The following CHD7 variants were observed in gnomAD, a reference collection of about 807,000 sequenced individuals.
CHD7 encodes the protein ATP-dependent chromatin remodeler CHD7.
In CHD7, 24 loss-of-function variants were observed where a neutral mutation model predicts 307.3. That is an observed-to-expected ratio of 0.08 (90% CI 0.06 to 0.11). The LOEUF is 0.11. Among genes scored for constraint, CHD7 ranks in the 10% least tolerant of loss-of-function variants. CHD7 has a pLI of 1.00. For synonymous variants in CHD7, 1,363 were observed against 1,349.9 expected (o/e 1.01, Z -0.21); for missense variants, 3,106 against 3,727.1 (o/e 0.83, Z 4.34).
chr8:60,819,408 A>G (rs1803914839), intron 8 of CHD7, among the ~76,000 whole-genome samples: 1 of 152,220 alleles, frequency 6.6e-6, no homozygotes, highest in African/African-American at 2.4e-5. Flanking sequence ...TTGCCTAAAC[A>G]CACTATATTC....
At chr8:60,850,374 CAG>C in intron 25 of CHD7, 117 bp from the exon 26 acceptor site, 1 of 1,259,558 alleles carries the variant, frequency 7.9e-7, no homozygotes, top group Non-Finnish European at 1.1e-6. Flanking sequence ...TTGGATTCAA[CAG>C]AGATGCTAAC....
chr8:60,812,685 C>A (rs540803880), intron 7 of CHD7, among the ~76,000 whole-genome samples: 153 of 150,000 alleles, frequency 1.0e-3, no homozygotes, highest in Non-Finnish European at 1.7e-3. Flanking sequence ...AAAAAGAGTC[C>A]ATTTTTGACT....
intron 33 of CHD7, 25 bp downstream of exon 33, chr8:60,856,227 C>T: frequency 6.6e-7 from 1 of 1,522,226 alleles, no homozygotes; most frequent in Middle Eastern, 1.8e-4. Flanking sequence ...CTTGTTTCTG[C>T]AGCTTAAAAG....
chr8:60,861,328 A>G, intron 35 of CHD7: 1 of 527,784 alleles, frequency 1.9e-6, no homozygotes, highest in Non-Finnish European at 3.3e-6. Context: ...AGGCAGCCTT[A>G]CAGTTATTTG....
chr8:60,853,526 C>G, intron 31 of CHD7, 26 bp downstream of exon 31: 1 of 1,483,606 alleles, frequency 6.7e-7, no homozygotes, highest in Non-Finnish European at 9.0e-7. Flanking sequence ...TGGCCCCTCT[C>G]CTGACCCTGC....
intron 2 of CHD7, among the ~76,000 whole-genome samples, chr8:60,771,424 T>C (rs1444174843): frequency 1.3e-5 from 2 of 152,222 alleles, no homozygotes; most frequent in African/African-American, 2.4e-5. Flanking sequence ...TTGAAAATGC[T>C]CCATTGAGCA....
intron 32 of CHD7, chr8:60,855,295 C>T (rs1805650325): frequency 6.6e-6 from 1 of 152,178 alleles, no homozygotes; most frequent in Non-Finnish European, 1.5e-5. Flanking sequence ...TGCTAACCTC[C>T]TTTATTGAGT....
chr8:60,715,117 G>A (rs981230582), intron 1 of CHD7, among the ~76,000 whole-genome samples: 1 of 152,184 alleles, frequency 6.6e-6, no homozygotes, highest in Admixed American at 6.5e-5. Flanking sequence ...TTTTATAGCT[G>A]ATGTTAAAAA....
At chr8:60,760,030 A>G in intron 2 of CHD7, among the ~76,000 whole-genome samples, 1 of 152,146 alleles carries the variant, frequency 6.6e-6, no homozygotes, top group Admixed American at 6.5e-5. Context: ...GCTGTGTAGT[A>G]ATGTTGGTGA....
At chr8:60,805,666 A>G (rs900837628) in intron 6 of CHD7, among the ~76,000 whole-genome samples, 16 of 152,140 alleles carry the variant, frequency 1.1e-4, no homozygotes, top group African/African-American at 3.1e-4. Flanking sequence ...TTGATCCTGT[A>G]TGTGTTGGTG....
intron 8 of CHD7, among the ~76,000 whole-genome samples, chr8:60,819,788 G>A (rs1191531458): frequency 1.3e-5 from 2 of 152,128 alleles, no homozygotes; most frequent in Admixed American, 6.5e-5. Flanking sequence ...GGTTTCACAC[G>A]GTAATTAAAA....
intron 2 of CHD7, among the ~76,000 whole-genome samples, chr8:60,776,473 G>A (rs1456009361): frequency 6.6e-6 from 1 of 152,178 alleles, no homozygotes; most frequent in African/African-American, 2.4e-5. Context: ...CAGCCACCCA[G>A]TCTCAGGCAG....
chr8:60,802,541 A>G (rs1457472615), intron 6 of CHD7, among the ~76,000 whole-genome samples: 2 of 152,234 alleles, frequency 1.3e-5, no homozygotes, highest in East Asian at 1.9e-4. Flanking sequence ...ACTTTAAAAA[A>G]TAATATATAA....
chr8:60,689,201 G>A lies in CHD7; in HGVS notation c.-175+10119G>A, dbSNP rs752181777. Among the ~76,000 whole-genome samples, 32 of 152,322 alleles carry A rather than the reference G, an allele frequency of 2.1e-4. No individual in the cohort carries two copies. The Middle Eastern group carries it at 0.01, about 49-fold the overall frequency. ...AGTCAAAAAGTAAATAACTGGTAAC[G>A]TGTGGATTTATGGGAGATCCTTGTA... On this transcript the variant is annotated intron_variant, in intron 1 of 37. Coordinates refer to ENST00000423902, the MANE Select transcript of CHD7 (RefSeq NM_017780.4).
chr8:60,697,455 A>G (rs538742201), intron 1 of CHD7, among the ~76,000 whole-genome samples: 1 of 152,362 alleles, frequency 6.6e-6, no homozygotes, highest in East Asian at 1.9e-4. Flanking sequence ...GGAGGATAAG[A>G]AAAGGAAAAA....
rs1184188163 is a variant in CHD7, at chr8:60,856,053, A to G, written c.7015A>G (p.Met2339Val). Residue 2339 changes from methionine to valine, a missense_variant, in exon 33 of 38, where the codon ATG becomes GTG. Transcript: ENST00000423902. ...KGKWPVNRRQ[M>V]FDFQGLIPGY... is the part of the protein sequence containing the mutation. ...CAAATGGCCAGTAAATAGGCGCCAG[A>G]TGTTTGATTTCCAAGGCCTCATCCC... 3 of 1,611,740 alleles carry G rather than the reference A, an allele frequency of 1.9e-6. No homozygotes were observed. Among genetic ancestry groups the G allele is most frequent in the Non-Finnish European group, 2.5e-6 (3 of 1,178,856 alleles).
rs958774784 is a variant in CHD7, at chr8:60,841,551, A to T, written c.4534-93A>T. 4.6e-5 allele frequency: 43 copies of T among 928,048 alleles called. No homozygotes were observed. In the South Asian group the frequency reaches 6.0e-4, roughly 13 times the overall value. 57.5% of individuals were successfully genotyped at this position (928,048 alleles called of 1,614,324 possible). A position where few individuals can be genotyped will look rare whatever the true frequency, so the allele number is the denominator to read the frequency against. On this transcript the variant is annotated intron_variant, in intron 19 of 37. Coordinates refer to ENST00000423902, the MANE Select transcript of CHD7 (RefSeq NM_017780.4). ...GTGTCTGGCATAAGTGGAGGAATGC[A>T]CAATATCGGAGCAAATACATAAACA...
In CHD7 at chr8:60,838,032, A is replaced by T. The variant is rs1472800034; in HGVS notation, c.4354-44A>T. 5 of 1,390,734 alleles carry T rather than the reference A, an allele frequency of 3.6e-6. No individual in the cohort carries two copies. The East Asian group carries it at 1.3e-4, about 35-fold the overall frequency. 86.1% of individuals were successfully genotyped at this position (1,390,734 alleles called of 1,614,324 possible). A position where few individuals can be genotyped will look rare whatever the true frequency, so the allele number is the denominator to read the frequency against. The stretch of plus-strand genomic sequence containing the variant: ...CATTTGTTTAGTCTGCAAACCTCTT[A>T]ATTTTAAATTATTTTGAGTATTTTA... On this transcript the variant is annotated intron_variant, in intron 18 of 37. Transcript: ENST00000423902.
intron 37 of CHD7, 150 bp downstream of exon 37, chr8:60,862,802 A>G: frequency 5.2e-6 from 3 of 573,882 alleles, no homozygotes; most frequent in South Asian, 2.1e-5. Context: ...ATCATTTCAT[A>G]CATCATTAAT....
Sources: allele counts gnomAD v4.1 joint callset (sites outside exome capture counted in the v4.1 genomes callset), GRCh38; gene constraint gnomAD v4.1.1; transcripts MANE v1.5; gene names NCBI Gene and HGNC (gene_info 2026-07-23, HGNC 2026-07-21).